MYO15A: variants seen among roughly 807,000 people sequenced by gnomAD.
The protein encoded by MYO15A is myosin XVA, also known as unconventional myosin-XV.
In MYO15A, 308 loss-of-function variants were observed where a neutral mutation model predicts 394.6. The observed-to-expected ratio is 0.78, with a 90% CI of 0.71 to 0.86. The LOEUF is 0.86. Ranked by LOEUF, MYO15A falls within the 40% of genes least tolerant of loss-of-function variation. The pLI, the probability that MYO15A is intolerant of heterozygous loss-of-function variation, is 0.00. For missense variants in MYO15A, 4,606 were observed against 4,799.1 expected (o/e 0.96, Z 1.19); for synonymous variants, 1,957 against 2,003.8 (o/e 0.98, Z 0.62).
chr17:18,136,144 C>T (rs1356513487), intron 13 of MYO15A, among the ~76,000 whole-genome samples: 1 of 152,194 alleles, frequency 6.6e-6, no homozygotes, highest in Non-Finnish European at 1.5e-5. Context: ...TGGTCTTTCA[C>T]AGTCCTAGGC....
At chr17:18,175,914 T>C (rs2047008380) in intron 65 of MYO15A, among the ~76,000 whole-genome samples, 1 of 152,128 alleles carries the variant, frequency 6.6e-6, no homozygotes, top group South Asian at 2.1e-4. Context: ...CTGGCTCCCT[T>C]GTGCTGAGCT....
At chr17:18,161,194 G>T in intron 56 of MYO15A, 123 bp from the exon 57 acceptor site, 1 of 1,313,400 alleles carries the variant, frequency 7.6e-7, no homozygotes, top group African/African-American at 1.5e-5. Context: ...GCGCAGGGAG[G>T]GGCATCCTCA....
intron 51 of MYO15A, 189 bp from the exon 52 acceptor site, chr17:18,158,334 C>T: frequency 1.6e-6 from 1 of 606,422 alleles, no homozygotes; most frequent in Non-Finnish European, 2.9e-6. Context: ...CAGGTTAGCA[C>T]AGCAAGTAAA....
Position 18,151,208 on chromosome 17 carries a change from C to T in MYO15A, c.7572C>T (p.Ala2524=), listed in dbSNP as rs1597803670. ...CCACTCCAAAGCCCTTGGCCCCAGCCCCTCTGGCCAAGGCTCCAAGGCTCC... is the reference window on the plus strand; with the variant it reads ...CCACTCCAAAGCCCTTGGCCCCAGCTCCTCTGGCCAAGGCTCCAAGGCTCC... ...LRATPKPLAP[A]PLAKAPRLPI... Residue 2524 remains alanine (A), a synonymous_variant, in exon 39 of 66, where the codon GCC becomes GCT. Coordinates refer to ENST00000647165, the MANE Select transcript of MYO15A (RefSeq NM_016239.4). The T allele has an allele frequency of 6.2e-7, 1 of 1,614,192 alleles. No homozygotes were observed. Among genetic ancestry groups the T allele is most frequent in the Non-Finnish European group, 8.5e-7 (1 of 1,180,044 alleles).
rs2045838011 is a variant in MYO15A at position 18,118,944 on chromosome 17, C to A, written c.144C>A (p.Ser48=). Residue 48 remains serine, a synonymous_variant, in exon 2 of 66, where the codon TCC becomes TCA. Coordinates refer to ENST00000647165, the MANE Select transcript of MYO15A (RefSeq NM_016239.4). ...TCCGCGACCGTACACCCAAGATCTC[C>A]AAGAAGGGCCAGTTCCGCAGCGCCT... ...MGFRDRTPKI[S]KKGQFRSASA... is the part of the protein sequence containing the mutation. The A allele has an allele frequency of 6.2e-7, 1 of 1,613,560 alleles. No homozygotes were observed. The highest frequency in any genetic ancestry group is 8.5e-7 in the Non-Finnish European group (1 of 1,180,006).
rs1262824456 is a variant in MYO15A at position 18,119,048 on chromosome 17, C to T, written c.248C>T (p.Thr83Met). Residue 83 changes from threonine (T) to methionine (M), a missense_variant, in exon 2 of 66, where the codon ACG becomes ATG. Physicochemically the swap from Thr to Met is moderately conservative, Grantham distance 81. Coordinates refer to ENST00000647165, the MANE Select transcript of MYO15A (RefSeq NM_016239.4). Reference protein sequence around the residue: ...KRKARTVLKSTSKLMTQMRMG... With the variant: ...KRKARTVLKSMSKLMTQMRMG... ...AAGGCCCGCACCGTGCTCAAGTCCA[C>T]GTCAAAGCTCATGACGCAGATGCGC... 9 of 1,612,472 alleles carry T rather than the reference C, an allele frequency of 5.6e-6. No homozygotes were observed. Among genetic ancestry groups the T allele is most frequent in the Non-Finnish European group, 7.6e-6 (9 of 1,179,840 alleles).
chr17:18,174,720 T>TCA (rs537940661), intron 65 of MYO15A, among the ~76,000 whole-genome samples: 151 of 152,298 alleles, frequency 9.9e-4, no homozygotes, highest in African/African-American at 3.5e-3. Flanking sequence ...GAGATAGGAT[T>TCA]CAGGCCCAGA....
intron 15 of MYO15A, among the ~76,000 whole-genome samples, chr17:18,137,106 G>C (rs758056031): frequency 1.3e-5 from 2 of 152,202 alleles, no homozygotes; most frequent in Non-Finnish European, 2.9e-5. Flanking sequence ...GTGTTGGGGG[G>C]TGACTGTTTT....
In MYO15A at chr17:18,142,096, C is replaced by A. The variant is rs1250908005; in HGVS notation, c.5667C>A (p.His1889Gln). 3 of 1,613,150 alleles carry A rather than the reference C, an allele frequency of 1.9e-6. No homozygotes were observed. The highest frequency in any genetic ancestry group is 2.7e-5 in the African/African-American group (2 of 74,938). The change falls in exon 24 of 66, where the codon CAC becomes CAA. Residue 1889 changes from histidine to glutamine, a missense_variant. His to Gln is a conservative substitution (Grantham distance 24, BLOSUM62 0). Coordinates refer to ENST00000647165, the MANE Select transcript of MYO15A (RefSeq NM_016239.4). The part of the protein sequence containing the change: ...VGVSKLFLKE[H>Q]LYQLLESMRE... ...GTCCTTAGCTGTTCCTTAAGGAACACCTATACCAGCTGCTGGAGAGTATGC... is the reference window on the plus strand; with the variant it reads ...GTCCTTAGCTGTTCCTTAAGGAACAACTATACCAGCTGCTGGAGAGTATGC...
intron 43 of MYO15A, 24 bp from the exon 44 acceptor site, chr17:18,154,107 C>T (rs748488070): frequency 1.2e-6 from 2 of 1,613,612 alleles, no homozygotes; most frequent in Admixed American, 3.3e-5. Flanking sequence ...TCGGACAGTA[C>T]CCACTGAAGC....
At chr17:18,142,687 C>T (rs2046403055) in intron 24 of MYO15A, 69 bp from the exon 25 acceptor site, 9 of 1,385,408 alleles carry the variant, frequency 6.5e-6, no homozygotes, top group Non-Finnish European at 9.2e-6. Context: ...TGGCAAGGGC[C>T]TCTCTACCTT....
chr17:18,143,111 A>C (rs1430240888), intron 25 of MYO15A, among the ~76,000 whole-genome samples: 3 of 152,158 alleles, frequency 2.0e-5, no homozygotes, highest in African/African-American at 4.8e-5. Flanking sequence ...GGCCATTAGA[A>C]TTTGGTGACC....
chr17:18,155,517 C>A, intron 47 of MYO15A, 85 bp downstream of exon 47: 1 of 1,265,674 alleles, frequency 7.9e-7, no homozygotes, highest in Non-Finnish European at 1.1e-6. Context: ...CAGCCACTTA[C>A]CAAGTACCCA....
chr17:18,153,992 C>G lies in MYO15A; in HGVS notation c.8088+96C>G. On this transcript the variant is annotated intron_variant, in intron 43 of 65. Coordinates refer to ENST00000647165, the MANE Select transcript of MYO15A (RefSeq NM_016239.4). The surrounding 1 kb of genome is among the most constrained non-coding windows in gnomAD (Gnocchi z 4.1). ...GGGTCTAGGACTTGGGGAGGGAGCC[C>G]AGGAGGACAGAAAAAGGCCGGGCTG... 1 of 1,605,692 alleles carries G rather than the reference C, an allele frequency of 6.2e-7. No individual in the cohort carries two copies. The highest frequency in any genetic ancestry group is 8.5e-7 in the Non-Finnish European group (1 of 1,174,560).
intron 49 of MYO15A, 38 bp from the exon 50 acceptor site, chr17:18,157,118 G>A: frequency 1.2e-6 from 2 of 1,611,276 alleles, no homozygotes; most frequent in Admixed American, 1.7e-5. Flanking sequence ...GGCCAAGGGG[G>A]CCTCCCTGGC....
chr17:18,156,005 G>A, intron 47 of MYO15A, 190 bp from the exon 48 acceptor site: 1 of 766,648 alleles, frequency 1.3e-6, no homozygotes, highest in Non-Finnish European at 2.1e-6. Flanking sequence ...AGGGTGGTAG[G>A]AACTGAGCTG....
chr17:18,113,104 C>T (rs1315085901), intron 1 of MYO15A, among the ~76,000 whole-genome samples: 1 of 152,112 alleles, frequency 6.6e-6, no homozygotes, highest in Non-Finnish European at 1.5e-5. Flanking sequence ...CTACCTTGGC[C>T]TCTCAAAGTG....
chr17:18,121,016 C>A lies in MYO15A; in HGVS notation c.2216C>A (p.Pro739Gln). 1 of 1,509,530 alleles carries A rather than the reference C, an allele frequency of 6.6e-7. No homozygotes were observed. The highest frequency in any genetic ancestry group is 8.8e-7 in the Non-Finnish European group (1 of 1,133,922). The allele number at this position is 1,509,530 out of a possible 1,614,324, so 93.5% of individuals were successfully genotyped here. A position where few individuals can be genotyped will look rare whatever the true frequency, so the allele number is the denominator to read the frequency against. Reference sequence around the variant, plus strand: ...GTGCCCCCCGACCTACTAGCCTTCCCAGGGCCCCGACCCTCGTTCAGGGGC... The same window carrying A: ...GTGCCCCCCGACCTACTAGCCTTCCAAGGGCCCCGACCCTCGTTCAGGGGC... Reference protein sequence around the residue: ...PEVPPDLLAFPGPRPSFRGSR... With the variant: ...PEVPPDLLAFQGPRPSFRGSR... The change falls in exon 2 of 66, where the codon CCA becomes CAA. Residue 739 changes from proline (P) to glutamine (Q), a missense_variant. Pro to Gln is a moderately conservative substitution (Grantham distance 76). Coordinates refer to ENST00000647165, the MANE Select transcript of MYO15A (RefSeq NM_016239.4). The surrounding 1 kb of genome is among the most constrained non-coding windows in gnomAD (Gnocchi z 5.3).
At chr17:18,131,666 G>C (rs1479885504) in intron 10 of MYO15A, 135 bp downstream of exon 10, 19 of 1,130,126 alleles carry the variant, frequency 1.7e-5, no homozygotes, top group Non-Finnish European at 2.3e-5. Flanking sequence ...GTGTACATGT[G>C]AGCCCAGGAC....
Sources: gnomAD v4.1 joint callset for allele counts (sites outside exome capture counted in the v4.1 genomes callset) on GRCh38, gnomAD v4.1.1 for gene constraint, Gnocchi (gnomAD v3.1) non-coding constraint, MANE v1.5 for transcripts, NCBI Gene and HGNC (gene_info 2026-07-23, HGNC 2026-07-21) for gene names.